The following AP2A1 variants were observed in gnomAD, a reference collection of about 807,000 sequenced individuals.
AP2A1 encodes the protein AP-2 complex subunit alpha-1.
Under a neutral mutation model 107.3 loss-of-function variants are expected in AP2A1, and 21 were observed. That is an observed-to-expected ratio of 0.20 (90% confidence interval 0.14 to 0.28). AP2A1 has a LOEUF of 0.28. Among genes scored for constraint, AP2A1 ranks in the 10% least tolerant of loss-of-function variants. The pLI, the probability that AP2A1 is intolerant of heterozygous loss-of-function variation, is 1.00. For synonymous variants in AP2A1, 602 were observed against 564.8 expected, an observed-to-expected ratio of 1.07 and a Z score of -0.93; for missense variants, 873 against 1,307.7, an observed-to-expected ratio of 0.67 and a Z score of 5.13.
chr19:49,787,536 G>A (rs1161791168), intron 4 of AP2A1, among the ~76,000 whole-genome samples: 1 of 147,336 alleles, frequency 6.8e-6, no homozygotes, highest in Non-Finnish European at 1.5e-5. Flanking sequence ...TTTTAGTAGA[G>A]ACGAGGTTTG....
At chr19:49,779,210 G>A (rs1273613382) in intron 1 of AP2A1, among the ~76,000 whole-genome samples, 8 of 151,554 alleles carry the variant, frequency 5.3e-5, no homozygotes, top group South Asian at 2.1e-4. Flanking sequence ...GGTGGCAGGC[G>A]CCTGTAGTCC....
Position 49,802,086 on chromosome 19 carries a change from G to A in AP2A1, c.2059G>A (p.Asp687Asn). Residue 687 changes from aspartate (D) to asparagine (N), a missense_variant, in exon 15 of 23, where the codon GAT becomes AAT. Around this residue, in one of 4 missense-constraint regions of AP2A1, gnomAD observed 416 missense variants for 473.4 expected, o/e 0.88. Coordinates refer to ENST00000354293, the MANE Select transcript of AP2A1 (RefSeq NM_130787.3). ...GAGNLLVDVF[D>N]GPAAQPSLGP... ...AGGGAACCTTCTGGTGGACGTCTTC[G>A]ATGGCCCGGCCGCCCAGCCCAGCCT... 1 of 1,591,660 alleles carries A rather than the reference G, an allele frequency of 6.3e-7. No individual in the cohort carries two copies. The highest frequency in any genetic ancestry group is 1.1e-5 in the South Asian group (1 of 89,428).
rs747261882 is a variant in AP2A1, at chr19:49,799,465, G to T, written c.1104G>T (p.Thr368=). Reference sequence around the variant, plus strand: ...AGTTCTCCCATGAAGCCGTCAAGACGCACATTGACACCGTCATCAATGCCC... The same window carrying T: ...AGTTCTCCCATGAAGCCGTCAAGACTCACATTGACACCGTCATCAATGCCC... The part of the protein sequence containing the change: ...SSEFSHEAVK[T]HIDTVINALK... Residue 368 remains threonine, a synonymous_variant, in exon 9 of 23, where the codon ACG becomes ACT. Coordinates refer to ENST00000354293, the MANE Select transcript of AP2A1 (RefSeq NM_130787.3). 3 of 1,611,466 alleles carry T rather than the reference G, an allele frequency of 1.9e-6. No individual in the cohort carries two copies. Among genetic ancestry groups the T allele is most frequent in the Admixed American group, 3.3e-5 (2 of 59,762 alleles).
At position 49,767,155 on chromosome 19, in the gene AP2A1, G is replaced by A. The variant is rs760772093; in HGVS notation, c.22G>A (p.Asp8Asn). Residue 8 changes from aspartate to asparagine, a missense_variant, in exon 1 of 23, where the codon GAT becomes AAT. Asp to Asn is a conservative substitution (Grantham distance 23, BLOSUM62 1). Around this residue, in one of 4 missense-constraint regions of AP2A1, gnomAD observed 87 missense variants for 178.2 expected, o/e 0.49. Coordinates refer to ENST00000354293, the MANE Select transcript of AP2A1 (RefSeq NM_130787.3). Reference sequence around the variant, plus strand: ...CATCATGCCGGCCGTGTCCAAGGGCGATGGGATGCGGGGGCTCGCGGTGTT... The same window carrying A: ...CATCATGCCGGCCGTGTCCAAGGGCAATGGGATGCGGGGGCTCGCGGTGTT... MPAVSKG[D>N]GMRGLAVFIS... 1.2e-6 allele frequency: 2 copies of A among 1,611,980 alleles called. No homozygotes were observed. The highest frequency in any genetic ancestry group is 1.7e-6 in the Non-Finnish European group (2 of 1,179,748).
At chr19:49,794,261 G>T (rs2073184066) in intron 6 of AP2A1, among the ~76,000 whole-genome samples, 1 of 150,548 alleles carries the variant, frequency 6.6e-6, no homozygotes, top group East Asian at 1.9e-4. Flanking sequence ...TGTCGCCCAG[G>T]CTGGAGTGCA....
rs905776928 is a variant in AP2A1 at position 49,788,769 on chromosome 19, G to A, written c.474-3166G>A. The stretch of plus-strand genomic sequence containing the variant: ...GGGCTCGGGAGATGTGCGCTGTGAC[G>A]GAGGTGGGAAAGTGCCGTCACAAAT... On this transcript the variant is annotated intron_variant, in intron 4 of 22. Transcript: ENST00000354293. The surrounding 1 kb of genome is among the most constrained non-coding windows in gnomAD (Gnocchi z 4.5). Among the ~76,000 whole-genome samples, 23 of 152,172 alleles carry A rather than the reference G, an allele frequency of 1.5e-4. No individual in the cohort carries two copies. Among genetic ancestry groups the A allele is most frequent in the Admixed American group, 1.4e-3 (21 of 15,264 alleles).
At chr19:49,800,653 T>A (rs959500825) in intron 11 of AP2A1, 1 of 302,388 alleles carries the variant, frequency 3.3e-6, no homozygotes, top group African/African-American at 2.2e-5. Context: ...GTATTTTTAG[T>A]AGAGACGGGG....
At chr19:49,802,922 C>T (rs1212496391) in intron 15 of AP2A1, 27 bp from the exon 16 acceptor site, 3 of 1,608,958 alleles carry the variant, frequency 1.9e-6, no homozygotes, top group Non-Finnish European at 2.5e-6. Context: ...AAGTTCCTTC[C>T]CATCTCACTC....
At position 49,805,914 on chromosome 19, in the gene AP2A1, C is replaced by G; in HGVS notation, c.2628C>G (p.Pro876=). Residue 876 remains proline, a synonymous_variant, in exon 21 of 23, where the codon CCC becomes CCG. Coordinates refer to ENST00000354293, the MANE Select transcript of AP2A1 (RefSeq NM_130787.3). ...EAQKIFKANH[P]MDAEVTKAKL... ...AGAAAATCTTCAAAGCCAACCACCC[C>G]ATGGACGCAGAAGTTACTAAGGCCA... 2.5e-6 allele frequency: 4 copies of G among 1,613,854 alleles called. No individual in the cohort carries two copies. Among genetic ancestry groups the G allele is most frequent in the Non-Finnish European group, 3.4e-6 (4 of 1,179,898 alleles).
chr19:49,784,244 T>A (rs1437881241), intron 4 of AP2A1, among the ~76,000 whole-genome samples: 2 of 152,046 alleles, frequency 1.3e-5, no homozygotes, highest in Non-Finnish European at 2.9e-5. Context: ...CTGGCCAACA[T>A]GGCGAAACCA....
At chr19:49,777,923 G>C (rs946632112) in intron 1 of AP2A1, among the ~76,000 whole-genome samples, 1 of 151,594 alleles carries the variant, frequency 6.6e-6, no homozygotes, top group African/African-American at 2.4e-5. Context: ...GTGAGACCCC[G>C]TCTCAAGAAA....
At position 49,803,306 on chromosome 19, in the gene AP2A1, T is replaced by C. The variant is rs371783382; in HGVS notation, c.2274T>C (p.Tyr758=). 1.2e-6 allele frequency: 2 copies of C among 1,613,964 alleles called. No homozygotes were observed. The highest frequency in any genetic ancestry group is 2.7e-5 in the African/African-American group (2 of 75,022). ...RQNLGRMYLF[Y]GNKTSVQFQN... is the part of the protein sequence containing the mutation. ...CTGCAGGCCGCATGTATCTCTTCTATGGCAACAAGACCTCGGTGCAGTTCC... is the reference window on the plus strand; with the variant it reads ...CTGCAGGCCGCATGTATCTCTTCTACGGCAACAAGACCTCGGTGCAGTTCC... Residue 758 remains tyrosine (Y), a synonymous_variant, in exon 18 of 23, where the codon TAT becomes TAC. Transcript: ENST00000354293.
Position 49,767,026 on chromosome 19 carries a change from C to G in AP2A1, c.-108C>G. The G allele has an allele frequency of 8.3e-7, 1 of 1,209,228 alleles. No individual in the cohort carries two copies. Among genetic ancestry groups the G allele is most frequent in the Non-Finnish European group, 1.1e-6 (1 of 921,304 alleles). 74.9% of individuals were successfully genotyped at this position (1,209,228 alleles called of 1,614,324 possible). On this transcript the variant is annotated 5_prime_UTR_variant, in exon 1 of 23. Coordinates refer to ENST00000354293, the MANE Select transcript of AP2A1 (RefSeq NM_130787.3). ...GCCAGCCAGCCCTCCCCGCGGCCGGCTCGGCTCCTTGGCGCTGCCTGGGGT... is the reference window on the plus strand; with the variant it reads ...GCCAGCCAGCCCTCCCCGCGGCCGGGTCGGCTCCTTGGCGCTGCCTGGGGT...
chr19:49,767,011 C>CCCCCCCCCCA lies in AP2A1; in HGVS notation c.-122_-121insCCCCCCCCAC. ...CCCGCCCGCCCGCCCGCCAGCCAGC[C>CCCCCCCCCCA]CTCCCCGCGGCCGGCTCGGCTCCTT... On this transcript the variant is annotated 5_prime_UTR_variant, in exon 1 of 23. Coordinates refer to ENST00000354293, the MANE Select transcript of AP2A1 (RefSeq NM_130787.3). 9.7e-7 allele frequency: 1 copy of CCCCCCCCCCA among 1,026,002 alleles called. No homozygotes were observed. The allele number at this position is 1,026,002 out of a possible 1,614,324, so 63.6% of individuals were successfully genotyped here.
Position 49,767,018 on chromosome 19 carries a change from G to A in AP2A1, c.-116G>A, listed in dbSNP as rs1445673608. 2 of 516,328 alleles carry A rather than the reference G, an allele frequency of 3.9e-6. No homozygotes were observed. The highest frequency in any genetic ancestry group is 1.0e-4 in the East Asian group (1 of 9,892). 32.0% of individuals were successfully genotyped at this position (516,328 alleles called of 1,614,324 possible). Reference sequence around the variant, plus strand: ...GCCCGCCCGCCAGCCAGCCCTCCCCGCGGCCGGCTCGGCTCCTTGGCGCTG... The same window carrying A: ...GCCCGCCCGCCAGCCAGCCCTCCCCACGGCCGGCTCGGCTCCTTGGCGCTG... On this transcript the variant is annotated 5_prime_UTR_variant, in exon 1 of 23. Coordinates refer to ENST00000354293, the MANE Select transcript of AP2A1 (RefSeq NM_130787.3).
intron 15 of AP2A1, chr19:49,802,452 T>G: frequency 1.5e-6 from 2 of 1,361,192 alleles, no homozygotes; most frequent in Non-Finnish European, 2.0e-6. Flanking sequence ...TCTGTCTCTC[T>G]TCTGCCCTCT....
chr19:49,806,489 C>T, intron 22 of AP2A1, 192 bp from the exon 23 acceptor site: 1 of 1,443,938 alleles, frequency 6.9e-7, no homozygotes. Context: ...ATATCCTTTC[C>T]ACCTTTCTCT....
chr19:49,803,433 T>TG, intron 18 of AP2A1, 57 bp downstream of exon 18: 1 of 1,471,554 alleles, frequency 6.8e-7, no homozygotes. Flanking sequence ...TTCCTCACCG[T>TG]GGGGAAGCCG....
At position 49,799,444 on chromosome 19, in the gene AP2A1, C is replaced by A; in HGVS notation, c.1083C>A (p.Phe361Leu). The change falls in exon 9 of 23, where the codon TTC becomes TTA. Residue 361 changes from phenylalanine to leucine, a missense_variant. Physicochemically the swap from Phe to Leu is conservative, Grantham distance 22. Around this residue, in one of 4 missense-constraint regions of AP2A1, gnomAD observed 213 missense variants for 443.5 expected, o/e 0.48. Transcript: ENST00000354293. ...TGTGCACGCTGGCCAGCTCCGAGTT[C>A]TCCCATGAAGCCGTCAAGACGCACA... ...ESMCTLASSE[F>L]SHEAVKTHID... is the part of the protein sequence containing the mutation. The A allele has an allele frequency of 6.2e-7, 1 of 1,611,934 alleles. No homozygotes were observed. Among genetic ancestry groups the A allele is most frequent in the Non-Finnish European group, 8.5e-7 (1 of 1,179,376 alleles).
Sources: allele counts gnomAD v4.1 joint callset (sites outside exome capture counted in the v4.1 genomes callset), GRCh38; gene constraint gnomAD v4.1.1; regional missense constraint gnomAD v4.1.1; non-coding constraint Gnocchi (gnomAD v3.1); transcripts MANE v1.5; gene names NCBI Gene and HGNC (gene_info 2026-07-23, HGNC 2026-07-21).